The following PARP15 variants were observed in gnomAD, a reference collection of about 807,000 sequenced individuals.
PARP15 encodes the protein poly(ADP-ribose) polymerase family member 15, also known as protein mono-ADP-ribosyltransferase PARP15.
A neutral mutation model predicts 62.1 loss-of-function variants in PARP15; 50 were observed. The ratio of observed to expected loss-of-function variants is 0.81; its 90% CI spans 0.64 to 1.02. The LOEUF is 1.02. PARP15 is among the 50% of genes least tolerant of loss of function. The pLI, the probability that PARP15 is intolerant of heterozygous loss-of-function variation, is 0.00. For missense variants in PARP15, 820 were observed against 826.5 expected (o/e 0.99, Z 0.10); for synonymous variants, 309 against 293.1 (o/e 1.05, Z -0.55).
chr3:122,621,555 T>C lies in PARP15; in HGVS notation c.1175T>C (p.Leu392Pro), dbSNP rs1936344259. ...GTCAGGAAAACGGTCACCAGTGTTC[T>C]AGAAGAGTGTGAACAGAGGAAGTAC... ...KDVRKTVTSV[L>P]EECEQRKYTS... The change falls in exon 8 of 12, where the codon CTA becomes CCA. Residue 392 changes from leucine (L) to proline (P), a missense_variant. Around this residue, in one of 3 missense-constraint regions of PARP15, gnomAD observed 731 missense variants for 727.7 expected, o/e 1.00. Coordinates refer to ENST00000464300, the MANE Select transcript of PARP15 (RefSeq NM_001113523.3). The C allele has an allele frequency of 5.0e-6, 8 of 1,613,988 alleles. No individual in the cohort carries two copies. Among genetic ancestry groups the C allele is most frequent in the Non-Finnish European group, 6.8e-6 (8 of 1,179,966 alleles).
At chr3:122,626,686 C>A in intron 8 of PARP15, 141 bp from the exon 9 acceptor site, 1 of 694,550 alleles carries the variant, frequency 1.4e-6, no homozygotes, top group Non-Finnish European at 2.4e-6. Context: ...AGCTAAAGAA[C>A]ACCAACTAGC....
At chr3:122,587,267 G>C (rs779193633) in intron 1 of PARP15, among the ~76,000 whole-genome samples, 6 of 152,196 alleles carry the variant, frequency 3.9e-5, no homozygotes, top group Non-Finnish European at 7.3e-5. Flanking sequence ...TTTATGTGCA[G>C]ATTTTTGCAT....
intron 4 of PARP15, chr3:122,615,326 T>G: frequency 7.7e-7 from 1 of 1,291,026 alleles, no homozygotes; most frequent in Non-Finnish European, 1.0e-6. Context: ...ATACTGTATG[T>G]ATTTGTTGTT....
At chr3:122,587,395 C>A (rs1241726123) in intron 1 of PARP15, among the ~76,000 whole-genome samples, 1 of 152,202 alleles carries the variant, frequency 6.6e-6, no homozygotes, top group Non-Finnish European at 1.5e-5. Flanking sequence ...GTAGCTGTAC[C>A]ATTTTGCATT....
At chr3:122,632,635 G>A (rs1045938743) in intron 10 of PARP15, among the ~76,000 whole-genome samples, 26 of 152,226 alleles carry the variant, frequency 1.7e-4, no homozygotes, top group Admixed American at 1.6e-3. Flanking sequence ...TGTGGTTGTT[G>A]GATGGCTGCT....
At chr3:122,634,918 C>T (rs1937262548) in intron 10 of PARP15, 102 bp from the exon 11 acceptor site, 2 of 1,201,156 alleles carry the variant, frequency 1.7e-6, no homozygotes, top group Non-Finnish European at 2.4e-6. Flanking sequence ...AATTCTCTTC[C>T]TCTTCCTTCT....
At chr3:122,609,992 C>G (rs1223997692) in intron 2 of PARP15, among the ~76,000 whole-genome samples, 1 of 152,224 alleles carries the variant, frequency 6.6e-6, no homozygotes, top group Admixed American at 6.5e-5. Context: ...CGACCATACC[C>G]TCCTTCACAT....
intron 4 of PARP15, chr3:122,615,047 GA>G (rs1342416242): frequency 8.5e-5 from 66 of 774,632 alleles, no homozygotes; most frequent in Non-Finnish European, 9.2e-5. Context: ...AAAAAAAAAA[GA>G]AAAGAAAAGA....
chr3:122,602,685 G>A (rs1294351543), intron 1 of PARP15, among the ~76,000 whole-genome samples: 1 of 152,120 alleles, frequency 6.6e-6, no homozygotes, highest in East Asian at 1.9e-4. Context: ...AGGTTATTTT[G>A]AATTGCTCCT....
At position 122,605,990 on chromosome 3, in the gene PARP15, G is replaced by C; in HGVS notation, c.241G>C (p.Ala81Pro). The C allele has an allele frequency of 6.4e-7, 1 of 1,551,934 alleles. No individual in the cohort carries two copies. The highest frequency in any genetic ancestry group is 1.4e-5 in the African/African-American group (1 of 73,144). ...KDCLSIRNVVASIQTKEGLNL... is the reference protein window; with the variant it reads ...KDCLSIRNVVPSIQTKEGLNL... ...TTGTCTTTCAATCAGGAATGTTGTAGCTTCAATCCAAACCAAAGAAGGTCT... is the reference window on the plus strand; with the variant it reads ...TTGTCTTTCAATCAGGAATGTTGTACCTTCAATCCAAACCAAAGAAGGTCT... The change falls in exon 2 of 12, where the codon GCT (alanine) becomes CCT (proline). Residue 81 changes from alanine (A) to proline (P), a missense_variant. Ala to Pro is a conservative substitution (Grantham distance 27). This residue lies in a region of PARP15 where 731 missense variants were observed against 727.7 expected (regional missense o/e 1.00). Transcript: ENST00000464300.
At chr3:122,616,942 AG>A in intron 5 of PARP15, 72 bp from the exon 6 acceptor site, 1 of 1,481,432 alleles carries the variant, frequency 6.8e-7, no homozygotes. Context: ...GGAAGAGAAT[AG>A]GGCCCCAAGA....
chr3:122,583,524 GC>G (rs1248696922), intron 1 of PARP15, among the ~76,000 whole-genome samples: 1 of 151,972 alleles, frequency 6.6e-6, no homozygotes, highest in Non-Finnish European at 1.5e-5. Context: ...TTGATTGGAT[GC>G]CAGACATTAT....
chr3:122,577,682 C>G lies in PARP15; in HGVS notation c.15C>G (p.Gly5=), dbSNP rs1455118885. The G allele has an allele frequency of 1.9e-6, 3 of 1,551,402 alleles. No homozygotes were observed. In the Admixed American group the frequency reaches 5.9e-5, roughly 30 times the overall value. MAAP[G]PLPAAALSPG... ...GCGAGCTGAGGATGGCTGCGCCAGG[C>G]CCCCTTCCTGCCGCTGCTCTGAGTC... Residue 5 remains glycine (G), a synonymous_variant, in exon 1 of 12, where the codon GGC becomes GGG. Coordinates refer to ENST00000464300, the MANE Select transcript of PARP15 (RefSeq NM_001113523.3).
In PARP15 at chr3:122,626,991, T is replaced by C. The variant is rs1936776588; in HGVS notation, c.1396T>C (p.Ser466Pro). ...CGACAGCATGAAAAAAAGAGACCTC[T>C]CTGCATCACTGAACTTTCAGTCCAC... is the stretch of plus-strand genomic sequence containing the variant. ...FYDSMKKRDL[S>P]ASLNFQSTFS... Residue 466 changes from serine to proline, a missense_variant, in exon 9 of 12, where the codon TCT becomes CCT. By Grantham distance (74) the Ser-to-Pro change is moderately conservative. Transcript: ENST00000464300. 3.1e-6 allele frequency: 5 copies of C among 1,613,794 alleles called. No individual in the cohort carries two copies. The highest frequency in any genetic ancestry group is 8.5e-7 in the Non-Finnish European group (1 of 1,179,944).
chr3:122,625,344 C>T (rs1936647124), intron 8 of PARP15, among the ~76,000 whole-genome samples: 1 of 152,154 alleles, frequency 6.6e-6, no homozygotes, highest in Non-Finnish European at 1.5e-5. Context: ...ACCTCCACCT[C>T]CCTGGTTCAA....
chr3:122,633,058 C>T (rs566685459), intron 10 of PARP15, among the ~76,000 whole-genome samples: 4 of 152,206 alleles, frequency 2.6e-5, no homozygotes, highest in East Asian at 1.9e-4. Flanking sequence ...ATCTTGTTAC[C>T]GCTTCCATAG....
rs141095508 is a variant in PARP15 at position 122,636,161 on chromosome 3, G to A, written c.*61G>A. 6.6e-6 allele frequency: 10 copies of A among 1,504,184 alleles called. 1 individual carries two copies. The East Asian group carries it at 6.9e-5, about 10-fold the overall frequency. The allele number at this position is 1,504,184 out of a possible 1,614,324, so 93.2% of individuals were successfully genotyped here. A position where few individuals can be genotyped will look rare whatever the true frequency, so the allele number is the denominator to read the frequency against. On this transcript the variant is annotated 3_prime_UTR_variant, in exon 12 of 12. Transcript: ENST00000464300. The stretch of plus-strand genomic sequence containing the variant: ...TCTGTAAGAACAACATGCAATCTTT[G>A]TCTTTGCTTCTGGCCTGTGTAAGCA...
At chr3:122,582,178 C>CT (rs3052709) in intron 1 of PARP15, among the ~76,000 whole-genome samples, 44,779 of 148,986 alleles carry the variant, frequency 0.3, 7,782 homozygotes, top group Non-Finnish European at 0.4. Flanking sequence ...ATGATATTTC[C>CT]TTTTTTTTTT....
chr3:122,635,472 G>A (rs770881683), intron 11 of PARP15, among the ~76,000 whole-genome samples: 5 of 151,690 alleles, frequency 3.3e-5, no homozygotes, highest in Non-Finnish European at 7.4e-5. Flanking sequence ...GCAGTGGCAA[G>A]ATCATGGCTC....
Sources: gnomAD v4.1 joint callset for allele counts (sites outside exome capture counted in the v4.1 genomes callset) on GRCh38, gnomAD v4.1.1 for gene constraint, gnomAD v4.1.1 regional missense constraint, MANE v1.5 for transcripts, NCBI Gene and HGNC (gene_info 2026-07-23, HGNC 2026-07-21) for gene names.